Variants in RPGRIP1 observed in about 807,000 individuals in gnomAD.
RPGRIP1 encodes the protein RPGR interacting protein 1.
In RPGRIP1, 128 loss-of-function variants were observed where a neutral mutation model predicts 157.9. That is an observed-to-expected ratio of 0.81 (90% CI 0.70 to 0.94). The LOEUF (loss-of-function observed/expected upper bound fraction) is 0.94, where lower values mean the gene tolerates loss of function less well. Ranked by LOEUF, RPGRIP1 falls within the 40% of genes least tolerant of loss-of-function variation. The pLI, the probability that RPGRIP1 is intolerant of heterozygous loss-of-function variation, is 0.00. For missense variants in RPGRIP1, 1,486 were observed against 1,545.8 expected (o/e 0.96, Z 0.65); for synonymous variants, 554 against 571.6 (o/e 0.97, Z 0.44).
At chr14:21,328,285 C>T (rs569348624) in intron 18 of RPGRIP1, 139 bp from the exon 19 acceptor site, 52 of 640,724 alleles carry the variant, frequency 8.1e-5, no homozygotes, top group South Asian at 4.1e-4. Flanking sequence ...GGTTTTACTG[C>T]GGAAAAGAGA....
chr14:21,325,064 C>G lies in RPGRIP1; in HGVS notation c.2209C>G (p.Leu737Val), dbSNP rs1443900524. 1 of 1,608,164 alleles carries G rather than the reference C, an allele frequency of 6.2e-7. No homozygotes were observed. Among genetic ancestry groups the G allele is most frequent in the African/African-American group, 1.3e-5 (1 of 74,820 alleles). Residue 737 changes from leucine to valine, a missense_variant, in exon 15 of 25, where the codon CTG becomes GTG. By Grantham distance (32) the Leu-to-Val change is conservative. Transcript: ENST00000400017. The part of the protein sequence containing the change: ...TVEKVHGLAT[L>V]IGAGGEEFGV... ...GGAGAAAGTCCATGGCTTGGCCACA[C>G]TGATTGGTAAGTGCCGTTGGCTTCC...
intron 20 of RPGRIP1, among the ~76,000 whole-genome samples, 178 bp downstream of exon 20, chr14:21,330,565 C>T (rs1359759904): frequency 2.0e-5 from 3 of 151,784 alleles, no homozygotes; most frequent in East Asian, 1.9e-4. Flanking sequence ...ACGTGGGCGG[C>T]GGAGGCAGGA....
intron 24 of RPGRIP1, among the ~76,000 whole-genome samples, chr14:21,349,062 A>G (rs1376564899): frequency 4.0e-5 from 5 of 125,826 alleles, no homozygotes; most frequent in Non-Finnish European, 8.0e-5. Context: ...TGCTCTCCTT[A>G]CTACAATTTT....
intron 3 of RPGRIP1, among the ~76,000 whole-genome samples, chr14:21,297,267 G>A (rs187712536): frequency 2.0e-5 from 3 of 152,036 alleles, no homozygotes; most frequent in Admixed American, 2.0e-4. Flanking sequence ...ACTAATTTTT[G>A]TATTTTTAGT....
At chr14:21,344,495 G>T (rs1885361696) in intron 22 of RPGRIP1, among the ~76,000 whole-genome samples, 1 of 152,016 alleles carries the variant, frequency 6.6e-6, no homozygotes, top group South Asian at 2.1e-4. Flanking sequence ...TTATCTCCTG[G>T]TTATCCTCTA....
chr14:21,335,156 G>A (rs552825848), intron 21 of RPGRIP1, among the ~76,000 whole-genome samples: 2 of 150,998 alleles, frequency 1.3e-5, no homozygotes, highest in Non-Finnish European at 1.5e-5. Flanking sequence ...AAATTGTTTA[G>A]TTAAATTTAT....
rs1234439954 is a variant in RPGRIP1, at chr14:21,301,114, C to G, written c.367C>G (p.Arg123Gly). 2.5e-6 allele frequency: 4 copies of G among 1,608,886 alleles called. No homozygotes were observed. Among genetic ancestry groups the G allele is most frequent in the Non-Finnish European group, 3.4e-6 (4 of 1,177,648 alleles). ...CATGCACCAGCGCCCCCAGATGCAC[C>G]GACTGCAAGGGCATTTCCACTGCGT... Reference protein sequence around the residue: ...LSMHQRPQMHRLQGHFHCVGP... With the variant: ...LSMHQRPQMHGLQGHFHCVGP... The change falls in exon 4 of 25, where the codon CGA becomes GGA. Residue 123 changes from arginine to glycine, a missense_variant. Physicochemically the swap from Arg to Gly is moderately radical, Grantham distance 125 (BLOSUM62 -2). Coordinates refer to ENST00000400017, the MANE Select transcript of RPGRIP1 (RefSeq NM_020366.4).
intron 1 of RPGRIP1, among the ~76,000 whole-genome samples, chr14:21,283,067 A>G (rs562406870): frequency 1.3e-3 from 202 of 152,276 alleles, no homozygotes; most frequent in African/African-American, 4.5e-3. Context: ...GATACTTTTC[A>G]ATTGCTCCAT....
chr14:21,346,866 A>G (rs574934813), intron 23 of RPGRIP1, among the ~76,000 whole-genome samples: 5 of 152,296 alleles, frequency 3.3e-5, no homozygotes, highest in South Asian at 4.1e-4. Flanking sequence ...GAAAGGCCCA[A>G]TACTTTTGTT....
intron 2 of RPGRIP1, among the ~76,000 whole-genome samples, chr14:21,291,914 C>T (rs1241691596): frequency 2.0e-5 from 3 of 152,066 alleles, no homozygotes; most frequent in African/African-American, 7.2e-5. Context: ...CACGTGTCAC[C>T]ACACCCAACT....
chr14:21,282,987 T>C (rs1362717226), intron 1 of RPGRIP1, among the ~76,000 whole-genome samples: 1 of 152,298 alleles, frequency 6.6e-6, no homozygotes, highest in Non-Finnish European at 1.5e-5. Flanking sequence ...CAGTCTCAAC[T>C]GGCTTTTCTT....
intron 24 of RPGRIP1, among the ~76,000 whole-genome samples, chr14:21,349,752 T>TAAAGA (rs1394513825): frequency 6.6e-6 from 1 of 152,150 alleles, no homozygotes; most frequent in Non-Finnish European, 1.5e-5. Flanking sequence ...TCTACCCCAT[T>TAAAGA]TCCATCTACT....
At chr14:21,302,234 G>A (rs1881065155) in intron 4 of RPGRIP1, among the ~76,000 whole-genome samples, 1 of 152,022 alleles carries the variant, frequency 6.6e-6, no homozygotes, top group Non-Finnish European at 1.5e-5. Context: ...CACAGTCTCT[G>A]CCCTGGACAA....
At chr14:21,287,755 T>G (rs1685368870) in intron 1 of RPGRIP1, among the ~76,000 whole-genome samples, 184 bp from the exon 2 acceptor site, 1 of 152,222 alleles carries the variant, frequency 6.6e-6, no homozygotes, top group South Asian at 2.1e-4. Flanking sequence ...TTGGATCAAG[T>G]CATTCCTACT....
chr14:21,304,424 A>G (rs531300399), intron 6 of RPGRIP1, among the ~76,000 whole-genome samples: 11 of 151,282 alleles, frequency 7.3e-5, no homozygotes, highest in African/African-American at 2.4e-4. Flanking sequence ...AGAAAGAAAG[A>G]AAGAAAGAAA....
chr14:21,321,245 GT>G lies in RPGRIP1; in HGVS notation c.1468-11del. The G allele has an allele frequency of 6.2e-7, 1 of 1,607,818 alleles. No individual in the cohort carries two copies. Among genetic ancestry groups the G allele is most frequent in the Non-Finnish European group, 8.5e-7 (1 of 1,177,998 alleles). ...TATTTATACTCCCTTTTACCAATGC[GT>G]TTCCCTCTACAGCCAAGTGAACCCA... On this transcript the variant is annotated splice_polypyrimidine_tract_variant and intron_variant, in intron 12 of 24. Coordinates refer to ENST00000400017, the MANE Select transcript of RPGRIP1 (RefSeq NM_020366.4).
intron 10 of RPGRIP1, among the ~76,000 whole-genome samples, chr14:21,315,424 G>A (rs146957362): frequency 6.6e-6 from 1 of 150,930 alleles, no homozygotes; most frequent in African/African-American, 2.4e-5. Flanking sequence ...GGACAATGTC[G>A]TGAATCCGGG....
intron 20 of RPGRIP1, among the ~76,000 whole-genome samples, chr14:21,333,755 G>C (rs1273752106): frequency 2.0e-5 from 3 of 152,074 alleles, no homozygotes; most frequent in Non-Finnish European, 4.4e-5. Context: ...TCTGGCCTTA[G>C]AAGTCACATA....
chr14:21,283,389 G>A (rs994101602), intron 1 of RPGRIP1, among the ~76,000 whole-genome samples: 27 of 150,300 alleles, frequency 1.8e-4, no homozygotes, highest in African/African-American at 4.6e-4. Flanking sequence ...TGCAATCTCC[G>A]CCTCCTGTGC....
Sources: gnomAD v4.1 joint callset for allele counts (sites outside exome capture counted in the v4.1 genomes callset) on GRCh38, gnomAD v4.1.1 for gene constraint, MANE v1.5 for transcripts, NCBI Gene and HGNC (gene_info 2026-07-23, HGNC 2026-07-21) for gene names.